The following ATG10 variants were observed in gnomAD, a reference collection of about 807,000 sequenced individuals.
ATG10 encodes the protein autophagy related 10, also known as ubiquitin-like-conjugating enzyme ATG10.
A neutral mutation model predicts 32.1 loss-of-function variants in ATG10; 30 were observed. That is an observed-to-expected ratio of 0.94 (90% CI 0.70 to 1.27). The LOEUF (loss-of-function observed/expected upper bound fraction) is 1.27, where lower values mean the gene tolerates loss of function less well. Ranked by LOEUF, ATG10 falls within the 50% of genes most tolerant of loss-of-function variation. ATG10 has a pLI of 0.00. For missense variants in ATG10, 233 were observed against 262.3 expected, an observed-to-expected ratio of 0.89 and a Z score of 0.77; for synonymous variants, 87 against 91.5, an observed-to-expected ratio of 0.95 and a Z score of 0.28.
chr5:82,094,084 C>G (rs377038793), intron 3 of ATG10, among the ~76,000 whole-genome samples: 7 of 152,108 alleles, frequency 4.6e-5, no homozygotes, highest in Non-Finnish European at 7.3e-5. Flanking sequence ...CTATGCTGCT[C>G]TCTCCAGTTT....
chr5:82,013,055 G>A (rs536462882), intron 2 of ATG10, among the ~76,000 whole-genome samples: 155 of 150,432 alleles, frequency 1.0e-3, no homozygotes, highest in Non-Finnish European at 1.8e-3. Context: ...TGCACCTCCC[G>A]GGTTCCAGTG....
chr5:82,124,042 A>G, intron 3 of ATG10, among the ~76,000 whole-genome samples: 1 of 150,488 alleles, frequency 6.6e-6, no homozygotes, highest in East Asian at 2.0e-4. Flanking sequence ...TGGGCTATCT[A>G]CTTTTTGTTT....
chr5:82,199,018 C>A (rs1744966157), intron 5 of ATG10, among the ~76,000 whole-genome samples: 1 of 152,158 alleles, frequency 6.6e-6, no homozygotes. Flanking sequence ...TTCTTCTGAT[C>A]ATTTATCTCA....
At chr5:81,984,294 G>C (rs1281123714) in intron 1 of ATG10, among the ~76,000 whole-genome samples, 1 of 152,264 alleles carries the variant, frequency 6.6e-6, no homozygotes, top group Non-Finnish European at 1.5e-5. Flanking sequence ...AGGCCTGGCG[G>C]CGCGCGCCTG....
chr5:82,245,709 G>T (rs1469604006), intron 5 of ATG10, among the ~76,000 whole-genome samples: 2 of 152,030 alleles, frequency 1.3e-5, no homozygotes, highest in African/African-American at 4.8e-5. Flanking sequence ...GATCATTATT[G>T]CATTCTTCAT....
At position 82,058,585 on chromosome 5, in the gene ATG10, A is replaced by T. The variant is rs1235519494; in HGVS notation, c.199A>T (p.Thr67Ser). 6.2e-7 allele frequency: 1 copy of T among 1,610,458 alleles called. No individual in the cohort carries two copies. Among genetic ancestry groups the T allele is most frequent in the Non-Finnish European group, 8.5e-7 (1 of 1,176,978 alleles). The change falls in exon 3 of 8, where the codon ACA (threonine) becomes TCA (serine). Residue 67 changes from threonine (T) to serine (S), a missense_variant. Physicochemically the swap from Thr to Ser is moderately conservative, Grantham distance 58. Transcript: ENST00000282185. Reference protein sequence around the residue: ...SHLGASTHGQTCLPMEEAFEL... With the variant: ...SHLGASTHGQSCLPMEEAFEL... ...TCTAGGAGCATCTACCCATGGACAG[A>T]CATGTCTTCCCATGGAGGTGAGTAG...
intron 3 of ATG10, among the ~76,000 whole-genome samples, chr5:82,086,312 A>C (rs1764689373): frequency 1.3e-5 from 2 of 152,240 alleles, no homozygotes; most frequent in Non-Finnish European, 2.9e-5. Context: ...AGCCAATCAT[A>C]ATTTATAATG....
intron 5 of ATG10, among the ~76,000 whole-genome samples, chr5:82,208,377 G>A (rs1215841599): frequency 1.3e-5 from 2 of 151,882 alleles, no homozygotes; most frequent in South Asian, 4.2e-4. Flanking sequence ...TGGATCTAGA[G>A]GTCAATTCGA....
At chr5:82,207,469 A>G (rs1283238848) in intron 5 of ATG10, among the ~76,000 whole-genome samples, 3 of 151,614 alleles carry the variant, frequency 2.0e-5, no homozygotes, top group Non-Finnish European at 4.4e-5. Context: ...ATTTTTTTCT[A>G]TTTGGTTGCC....
intron 3 of ATG10, among the ~76,000 whole-genome samples, chr5:82,132,090 C>T (rs1027153968): frequency 1.3e-5 from 2 of 152,078 alleles, no homozygotes; most frequent in Non-Finnish European, 2.9e-5. Flanking sequence ...TACCAGGACC[C>T]ACCTCCAACA....
chr5:82,152,841 G>C (rs1767657649), intron 3 of ATG10, among the ~76,000 whole-genome samples: 5 of 151,968 alleles, frequency 3.3e-5, no homozygotes, highest in Admixed American at 3.3e-4. Flanking sequence ...TTGACTCCTA[G>C]TGTCATGATA....
chr5:82,164,321 A>T, intron 3 of ATG10, 78 bp from the exon 4 acceptor site: 12 of 1,175,100 alleles, frequency 1.0e-5, no homozygotes, highest in Non-Finnish European at 1.5e-5. Context: ...GTGAGAAGAA[A>T]ATCTCCTCTT....
intron 3 of ATG10, among the ~76,000 whole-genome samples, chr5:82,076,432 G>C (rs1764274942): frequency 6.6e-6 from 1 of 152,106 alleles, no homozygotes; most frequent in South Asian, 2.1e-4. Flanking sequence ...GAGAAGACTA[G>C]AATTTCTTGA....
intron 3 of ATG10, among the ~76,000 whole-genome samples, chr5:82,160,459 G>A (rs1414446322): frequency 6.6e-6 from 1 of 152,136 alleles, no homozygotes; most frequent in Non-Finnish European, 1.5e-5. Flanking sequence ...TGGCTATTCT[G>A]AATAAAGCTG....
At chr5:81,985,610 G>A (rs950351175) in intron 1 of ATG10, among the ~76,000 whole-genome samples, 1 of 152,072 alleles carries the variant, frequency 6.6e-6, no homozygotes, top group African/African-American at 2.4e-5. Context: ...ACCACCTAAA[G>A]GCAGAAAGCT....
chr5:82,142,101 A>T (rs1373120370), intron 3 of ATG10, among the ~76,000 whole-genome samples: 1 of 152,224 alleles, frequency 6.6e-6, no homozygotes, highest in East Asian at 1.9e-4. Context: ...TGAAGCAGTG[A>T]GAAAATGAAT....
intron 1 of ATG10, among the ~76,000 whole-genome samples, chr5:81,982,808 A>G (rs753324437): frequency 6.6e-6 from 1 of 152,238 alleles, no homozygotes. Flanking sequence ...AACAAAGCAC[A>G]TCTTGCACCG....
chr5:82,062,424 T>C (rs1763814209), intron 3 of ATG10, among the ~76,000 whole-genome samples: 1 of 152,084 alleles, frequency 6.6e-6, no homozygotes, highest in Non-Finnish European at 1.5e-5. Context: ...AGATAGAAAT[T>C]GTTTTGTAGT....
chr5:82,139,599 C>T (rs1337806850), intron 3 of ATG10, among the ~76,000 whole-genome samples: 25 of 146,866 alleles, frequency 1.7e-4, no homozygotes, highest in African/African-American at 4.3e-4. Context: ...GGAGCCTCTC[C>T]GCCCGGCAGC....
Sources: allele counts gnomAD v4.1 joint callset (sites outside exome capture counted in the v4.1 genomes callset), GRCh38; gene constraint gnomAD v4.1.1; transcripts MANE v1.5; gene names NCBI Gene and HGNC (gene_info 2026-07-23, HGNC 2026-07-21).